Variants in MAP7D2 observed in about 807,000 individuals in gnomAD.
MAP7D2 encodes the protein MAP7 domain-containing protein 2.
Under a neutral mutation model 63.5 loss-of-function variants are expected in MAP7D2, and 33 were observed. The observed-to-expected ratio is 0.52, with a 90% CI of 0.39 to 0.70. The LOEUF is 0.70. Ranked by LOEUF, MAP7D2 falls within the 30% of genes least tolerant of loss-of-function variation. MAP7D2 has a pLI of 0.00. For synonymous variants in MAP7D2, 224 were observed against 223.7 expected, an observed-to-expected ratio of 1.00 and a Z score of -0.01; for missense variants, 626 against 604.0, an observed-to-expected ratio of 1.04 and a Z score of -0.38.
chrX:20,018,819 C>T (rs2073518277), intron 10 of MAP7D2, among the ~76,000 whole-genome samples: 1 of 110,958 alleles, frequency 9.0e-6, no homozygotes, highest in South Asian at 3.8e-4. Flanking sequence ...TTCAACAAAA[C>T]AAACAACCCT....
intron 3 of MAP7D2, among the ~76,000 whole-genome samples, chrX:20,061,148 A>C (rs1032640203): frequency 9.4e-6 from 1 of 106,324 alleles, no homozygotes; most frequent in African/African-American, 3.5e-5. Flanking sequence ...AAAAGACTTC[A>C]ATCTGACACT....
At chrX:20,095,161 G>A (rs1489235194) in intron 1 of MAP7D2, among the ~76,000 whole-genome samples, 6 of 111,451 alleles carry the variant, frequency 5.4e-5, no homozygotes, top group African/African-American at 2.0e-4. Context: ...CACTTTACAA[G>A]AATGAAATTT....
At chrX:20,075,431 A>G in intron 1 of MAP7D2, among the ~76,000 whole-genome samples, 1 of 106,377 alleles carries the variant, frequency 9.4e-6, no homozygotes, top group Middle Eastern at 4.8e-3. Context: ...AATATGCTGC[A>G]TGGGGGTGGG....
At chrX:20,028,360 G>T (rs924017692) in intron 8 of MAP7D2, among the ~76,000 whole-genome samples, 1 of 111,900 alleles carries the variant, frequency 8.9e-6, no homozygotes, top group African/African-American at 3.3e-5. Context: ...ATAGCTGTTA[G>T]GTATTGGTGT....
chrX:20,098,210 C>T (rs759237609), intron 1 of MAP7D2, among the ~76,000 whole-genome samples: 2 of 111,685 alleles, frequency 1.8e-5, no homozygotes, highest in South Asian at 7.5e-4. Flanking sequence ...TCCTGTCAAC[C>T]CCATGAAGTA....
At chrX:20,107,582 A>C (rs775707997) in intron 1 of MAP7D2, among the ~76,000 whole-genome samples, 52 of 106,758 alleles carry the variant, frequency 4.9e-4, no homozygotes, top group Non-Finnish European at 9.7e-4. Flanking sequence ...CGCCCCCCCC[A>C]AAATTAATTA....
intron 1 of MAP7D2, among the ~76,000 whole-genome samples, chrX:20,078,315 T>C (rs1340257812): frequency 3.5e-5 from 4 of 112,679 alleles, no homozygotes; most frequent in Non-Finnish European, 7.5e-5. Flanking sequence ...GGCACCCCCA[T>C]TTTATAGATG....
chrX:20,051,515 A>G (rs577136173), intron 5 of MAP7D2, among the ~76,000 whole-genome samples: 177 of 107,443 alleles, frequency 1.6e-3, no homozygotes, highest in Non-Finnish European at 2.7e-3. Context: ...GTATCACTGC[A>G]CTCTAGCCTG....
rs1426036593 is a variant in MAP7D2, at chrX:20,060,023, C to CT, written c.373-3233dup. On this transcript the variant is annotated intron_variant, in intron 3 of 16. Coordinates refer to ENST00000379643, the MANE Select transcript of MAP7D2 (RefSeq NM_001168465.2). ...CTTTTCAACTGCCATTATATGTGTT[C>CT]TTTTTTTTTTTTTTGAGACAGAGTC... 1.5e-3 allele frequency among the ~76,000 whole-genome samples: 147 copies of CT among 101,009 alleles called. 1 individual carries two copies. Among genetic ancestry groups the CT allele is most frequent in the South Asian group, 2.6e-3 (6 of 2,283 alleles). 87.7% of individuals were successfully genotyped at this position (101,009 alleles called of 115,157 possible).
rs185262730 is a variant in MAP7D2 at position 20,109,197 on chromosome X, G to A, written c.130+7553C>T. 1.2e-4 allele frequency among the ~76,000 whole-genome samples: 13 copies of A among 109,037 alleles called. No homozygotes were observed. The East Asian group carries it at 3.7e-3, about 31-fold the overall frequency. 94.7% of individuals were successfully genotyped at this position (109,037 alleles called of 115,157 possible). On this transcript the variant is annotated intron_variant, in intron 1 of 16. Transcript: ENST00000379643. ...CGCGAAAGGAGTTTATTATCCATCCGTGGAGGCACAGTGGCACGGGGGGTT... is the reference window on the plus strand; with the variant it reads ...CGCGAAAGGAGTTTATTATCCATCCATGGAGGCACAGTGGCACGGGGGGTT...
chrX:20,101,058 T>C (rs1180499811), intron 1 of MAP7D2, among the ~76,000 whole-genome samples: 1 of 109,787 alleles, frequency 9.1e-6, no homozygotes, highest in Middle Eastern at 4.3e-3. Context: ...AAAAAGAAGT[T>C]GGAAAGGACA....
chrX:20,116,446 T>C (rs2066895822), intron 1 of MAP7D2: 1 of 481,100 alleles, frequency 2.1e-6, no homozygotes, highest in Non-Finnish European at 2.6e-6. Context: ...GGACGGGGAC[T>C]GGACCCGCAG....
Position 20,085,892 on chromosome X carries a change from A to G in MAP7D2, c.131-21087T>C, listed in dbSNP as rs1319455650. Among the ~76,000 whole-genome samples, 5 of 110,850 alleles carry G rather than the reference A, an allele frequency of 4.5e-5. No homozygotes were observed. The East Asian group carries it at 1.4e-3, about 31-fold the overall frequency. ...ATGCCCAGCTAATTTTTCTATTTTTAGTAGACATGGGGTTTCACCATGTTG... is the reference window on the plus strand; with the variant it reads ...ATGCCCAGCTAATTTTTCTATTTTTGGTAGACATGGGGTTTCACCATGTTG... On this transcript the variant is annotated intron_variant, in intron 1 of 16. Transcript: ENST00000379643.
At chrX:20,015,605 G>A (rs770368951) in intron 11 of MAP7D2, among the ~76,000 whole-genome samples, 4 of 112,559 alleles carry the variant, frequency 3.6e-5, no homozygotes. Context: ...GCCATGAAGT[G>A]TGCATGTGGC....
intron 1 of MAP7D2, among the ~76,000 whole-genome samples, chrX:20,076,386 G>C (rs748302346): frequency 3.1e-4 from 35 of 111,827 alleles, no homozygotes; most frequent in Non-Finnish European, 6.0e-4. Flanking sequence ...TGAAGGTATA[G>C]ACATCCAAAA....
intron 6 of MAP7D2, among the ~76,000 whole-genome samples, chrX:20,047,471 A>G (rs2064828884): frequency 9.0e-6 from 1 of 111,050 alleles, no homozygotes; most frequent in East Asian, 2.8e-4. Flanking sequence ...CCAGGTAAAA[A>G]GATTCATACA....
chrX:20,088,698 G>A (rs544136228), intron 1 of MAP7D2, among the ~76,000 whole-genome samples: 2 of 108,860 alleles, frequency 1.8e-5, no homozygotes, highest in South Asian at 8.1e-4. Flanking sequence ...TAATTTTAAT[G>A]GTGTCTTTTG....
Position 20,010,906 on chromosome X carries a change from G to A in MAP7D2, c.2219C>T (p.Pro740Leu), listed in dbSNP as rs745317933. The A allele has an allele frequency of 9.1e-6, 11 of 1,209,215 alleles. No homozygotes were observed. The African/African-American group carries it at 1.6e-4, about 17-fold the overall frequency. The change falls in exon 16 of 17, where the codon CCC (proline) becomes CTC (leucine). Residue 740 changes from proline to leucine, a missense_variant. By Grantham distance (98) the Pro-to-Leu change is moderately conservative. Coordinates refer to ENST00000379643, the MANE Select transcript of MAP7D2 (RefSeq NM_001168465.2). ...LLDFTGPPTF[P>L]KRSSENLSLD... ...GCTGAGATTTTCACTGGATCTCTTG[G>A]GGAATGTCGGGGGACCAGTGAAATC...
chrX:20,112,600 C>A (rs2066776498), intron 1 of MAP7D2, among the ~76,000 whole-genome samples: 1 of 111,104 alleles, frequency 9.0e-6, no homozygotes, highest in Non-Finnish European at 1.9e-5. Context: ...GGACAGTGGA[C>A]ACTCCCTCCC....
Sources: gnomAD v4.1 joint callset for allele counts (sites outside exome capture counted in the v4.1 genomes callset) on GRCh38, gnomAD v4.1.1 for gene constraint, MANE v1.5 for transcripts, NCBI Gene and HGNC (gene_info 2026-07-23, HGNC 2026-07-21) for gene names.